The following DENND1B variants were observed in gnomAD, a reference collection of about 807,000 sequenced individuals.
The protein encoded by DENND1B is DENN domain-containing protein 1B.
In DENND1B, 59 loss-of-function variants were observed where a neutral mutation model predicts 90.1. The ratio of observed to expected loss-of-function variants is 0.65; its 90% confidence interval spans 0.53 to 0.81. The LOEUF is 0.81. DENND1B is among the 40% of genes least tolerant of loss of function. The probability of loss-of-function intolerance (pLI) is 0.00; values close to 1 mark genes in which losing one functional copy is unlikely to be tolerated. For missense variants in DENND1B, 862 were observed against 912.6 expected (o/e 0.94, Z 0.71); for synonymous variants, 337 against 324.6 (o/e 1.04, Z -0.41).
chr1:197,586,393 TCA>T (rs967511583), intron 14 of DENND1B, among the ~76,000 whole-genome samples: 2 of 152,332 alleles, frequency 1.3e-5, no homozygotes, highest in Admixed American at 1.3e-4. Flanking sequence ...GTATATTTTT[TCA>T]GTTTTAATTT....
In DENND1B at chr1:197,652,241, C is replaced by G; in HGVS notation, c.441G>C (p.Leu147Phe). The G allele has an allele frequency of 1.2e-6, 2 of 1,609,810 alleles. No homozygotes were observed. The highest frequency in any genetic ancestry group is 1.7e-6 in the Non-Finnish European group (2 of 1,178,468). The change falls in exon 7 of 23, where the codon TTG becomes TTC. Residue 147 changes from leucine to phenylalanine, a missense_variant. Leu to Phe is a conservative substitution (Grantham distance 22). Coordinates refer to ENST00000620048, the MANE Select transcript of DENND1B (RefSeq NM_001195215.2). ...PVPKANTPVN[L>F]SVNQEIFIAC... ...TTACTGATTGAATACTTACCACACT[C>G]AAATTTACAGGAGTATTTGCCTTTG...
intron 3 of DENND1B, among the ~76,000 whole-genome samples, chr1:197,714,220 G>A (rs971954676): frequency 4.6e-5 from 7 of 151,426 alleles, no homozygotes; most frequent in Non-Finnish European, 7.4e-5. Flanking sequence ...TGATCTGCCC[G>A]CCTCAGCCTC....
intron 13 of DENND1B, among the ~76,000 whole-genome samples, chr1:197,602,986 T>C (rs1250984951): frequency 6.6e-6 from 1 of 151,354 alleles, no homozygotes; most frequent in Non-Finnish European, 1.5e-5. Flanking sequence ...ATGTATGATA[T>C]TTTAGATAGC....
intron 2 of DENND1B, chr1:197,746,938 T>C: frequency 7.0e-7 from 1 of 1,438,140 alleles, no homozygotes; most frequent in East Asian, 2.3e-5. Flanking sequence ...TTTTCTGAGT[T>C]CCTCAGTCTT....
At position 197,510,858 on chromosome 1, in the gene DENND1B, G is replaced by A. The variant is rs374206079; in HGVS notation, c.1930C>T (p.Pro644Ser). The A allele has an allele frequency of 6.8e-5, 109 of 1,611,384 alleles. No homozygotes were observed. The highest frequency in any genetic ancestry group is 9.1e-5 in the Non-Finnish European group (107 of 1,178,760). Residue 644 changes from proline (P) to serine (S), a missense_variant, in exon 23 of 23, where the codon CCT (proline) becomes TCT (serine). Pro to Ser is a moderately conservative substitution (Grantham distance 74, BLOSUM62 -1). Transcript: ENST00000620048. The stretch of plus-strand genomic sequence containing the variant: ...GAAACCCGCTTCCTAGGAGATGGAG[G>A]GAGGTGTTTGCCATGGAGGGCACTA... ...DDSALHGKHL[P>S]PSPRKRVSSS... is the part of the protein sequence containing the mutation.
At position 197,699,099 on chromosome 1, in the gene DENND1B, A is replaced by G. The variant is rs144113757; in HGVS notation, c.126+15932T>C. Among the ~76,000 whole-genome samples the G allele has an allele frequency of 1.2e-4, 19 of 152,284 alleles. No homozygotes were observed. In the East Asian group the frequency reaches 3.3e-3, roughly 26 times the overall value. ...ATCCTGATACCAAAATCAGGAAGAG[A>G]CACACAAAAAAAGGGAAAACTTCAG... On this transcript the variant is annotated intron_variant, in intron 3 of 22. Transcript: ENST00000620048.
chr1:197,565,854 G>A (rs1672606894), intron 15 of DENND1B, among the ~76,000 whole-genome samples: 2 of 149,258 alleles, frequency 1.3e-5, no homozygotes, highest in Admixed American at 6.7e-5. Context: ...ATTCCATGGT[G>A]TATATGTGCC....
intron 16 of DENND1B, among the ~76,000 whole-genome samples, chr1:197,549,025 G>A (rs1671025565): frequency 6.6e-6 from 1 of 152,050 alleles, no homozygotes; most frequent in Non-Finnish European, 1.5e-5. Context: ...CTTTAGCAGT[G>A]TTAGAAAAAG....
intron 12 of DENND1B, 132 bp downstream of exon 12, chr1:197,611,799 A>T: frequency 1.5e-6 from 1 of 682,134 alleles, no homozygotes; most frequent in Non-Finnish European, 2.4e-6. Context: ...TTTAAAAATG[A>T]TAAGCATACT....
chr1:197,695,062 A>C (rs1658291893), intron 3 of DENND1B, among the ~76,000 whole-genome samples: 1 of 151,254 alleles, frequency 6.6e-6, no homozygotes, highest in Non-Finnish European at 1.5e-5. Context: ...AAAATTTTAA[A>C]ATTTTAGCAG....
intron 15 of DENND1B, among the ~76,000 whole-genome samples, chr1:197,553,840 T>C (rs945420707): frequency 1.3e-5 from 2 of 152,088 alleles, no homozygotes; most frequent in African/African-American, 2.4e-5. Flanking sequence ...TGCATGAGGT[T>C]ATTTTAGGCA....
chr1:197,750,613 A>ATAG (rs1653365210), intron 2 of DENND1B, among the ~76,000 whole-genome samples: 1 of 110,920 alleles, frequency 9.0e-6, no homozygotes, highest in Admixed American at 8.9e-5. Context: ...TAGATAGATA[A>ATAG]AGATATAGAC....
intron 2 of DENND1B, among the ~76,000 whole-genome samples, chr1:197,754,385 C>T (rs893177154): frequency 6.6e-6 from 1 of 151,920 alleles, no homozygotes; most frequent in Non-Finnish European, 1.5e-5. Flanking sequence ...TTCCAGGTAA[C>T]TATTAAAACT....
At chr1:197,615,830 G>C (rs1341180263) in intron 11 of DENND1B, among the ~76,000 whole-genome samples, 3 of 150,968 alleles carry the variant, frequency 2.0e-5, no homozygotes, top group Non-Finnish European at 4.5e-5. Flanking sequence ...CTTTGAACCA[G>C]GGAGGTTTTT....
At chr1:197,529,152 T>C (rs955919825) in intron 20 of DENND1B, among the ~76,000 whole-genome samples, 2 of 147,200 alleles carry the variant, frequency 1.4e-5, no homozygotes, top group African/African-American at 2.5e-5. Flanking sequence ...TAACTGGAGG[T>C]TGAAAATCTA....
At chr1:197,620,151 T>C (rs1678023258) in intron 10 of DENND1B, among the ~76,000 whole-genome samples, 1 of 151,154 alleles carries the variant, frequency 6.6e-6, no homozygotes. Flanking sequence ...ATCCCAAAGA[T>C]AATCCTCCAT....
intron 2 of DENND1B, among the ~76,000 whole-genome samples, chr1:197,752,154 T>TA (rs773389678): frequency 1.1e-4 from 16 of 151,374 alleles, no homozygotes; most frequent in Non-Finnish European, 1.8e-4. Flanking sequence ...ACAAGACTAA[T>TA]AAAAAAAGAG....
chr1:197,607,274 TG>T, intron 12 of DENND1B, 100 bp from the exon 13 acceptor site: 1 of 753,936 alleles, frequency 1.3e-6, no homozygotes, highest in South Asian at 3.2e-5. Context: ...GCATTAGGCT[TG>T]GGAAAAGAAA....
intron 14 of DENND1B, among the ~76,000 whole-genome samples, chr1:197,584,688 G>T (rs1223612180): frequency 6.6e-6 from 1 of 152,024 alleles, no homozygotes; most frequent in Non-Finnish European, 1.5e-5. Flanking sequence ...GAGGGGAGGG[G>T]TTGGGGAGGG....
Sources: gnomAD v4.1 joint callset for allele counts (sites outside exome capture counted in the v4.1 genomes callset) on GRCh38, gnomAD v4.1.1 for gene constraint, MANE v1.5 for transcripts, NCBI Gene and HGNC (gene_info 2026-07-23, HGNC 2026-07-21) for gene names.